The following CNTN5 variants were observed in gnomAD, a reference collection of about 807,000 sequenced individuals.
CNTN5 encodes contactin-5.
In CNTN5, 77 loss-of-function variants were observed where a neutral mutation model predicts 129.1. The observed-to-expected ratio is 0.60, with a 90% CI of 0.50 to 0.72. CNTN5 has a LOEUF of 0.72. Among genes scored for constraint, CNTN5 ranks in the 30% least tolerant of loss-of-function variants. CNTN5 has a pLI of 0.00. For synonymous variants in CNTN5, 509 were observed against 465.6 expected, an observed-to-expected ratio of 1.09 and a Z score of -1.20; for missense variants, 1,478 against 1,328.8, an observed-to-expected ratio of 1.11 and a Z score of -1.75.
chr11:99,382,591 T>C (rs77892826), intron 2 of CNTN5, among the ~76,000 whole-genome samples: 21,708 of 152,148 alleles, frequency 0.14, 1,592 homozygotes, highest in Non-Finnish European at 0.16. Context: ...TTGTTCTTTT[T>C]CTCCACATCC....
chr11:99,431,609 T>A (rs922276095), intron 2 of CNTN5, among the ~76,000 whole-genome samples: 4 of 152,128 alleles, frequency 2.6e-5, no homozygotes, highest in Non-Finnish European at 5.9e-5. Context: ...TAAGAACCAA[T>A]AGGAGTTTTG....
chr11:99,592,259 C>T (rs1039084019), intron 3 of CNTN5, among the ~76,000 whole-genome samples: 5 of 152,020 alleles, frequency 3.3e-5, no homozygotes, highest in African/African-American at 1.2e-4. Context: ...ATGAGATTTC[C>T]TAGAGAGGGG....
intron 6 of CNTN5, among the ~76,000 whole-genome samples, chr11:99,903,884 A>G (rs1023311835): frequency 1.6e-4 from 25 of 152,292 alleles, no homozygotes; most frequent in Non-Finnish European, 3.7e-4. Context: ...CTATCAAAAC[A>G]AGACATGCAA....
At chr11:99,840,963 A>C (rs983928576) in intron 4 of CNTN5, among the ~76,000 whole-genome samples, 1 of 152,160 alleles carries the variant, frequency 6.6e-6, no homozygotes. Flanking sequence ...CAGTAGAAAC[A>C]TCACTGATTA....
intron 9 of CNTN5, among the ~76,000 whole-genome samples, chr11:100,054,160 A>G (rs923582996): frequency 6.6e-6 from 1 of 151,682 alleles, no homozygotes; most frequent in Non-Finnish European, 1.5e-5. Flanking sequence ...CAAGGGTCCA[A>G]GAGTGAGAGC....
chr11:99,992,873 C>T (rs577104654), intron 8 of CNTN5, among the ~76,000 whole-genome samples: 41 of 152,094 alleles, frequency 2.7e-4, no homozygotes, highest in Non-Finnish European at 5.4e-4. Flanking sequence ...TCTAATGGCA[C>T]GTAATTCTAA....
At chr11:100,039,000 A>G (rs560665775) in intron 9 of CNTN5, among the ~76,000 whole-genome samples, 1 of 152,034 alleles carries the variant, frequency 6.6e-6, no homozygotes, top group Non-Finnish European at 1.5e-5. Flanking sequence ...TGTGAATTTG[A>G]TCCTGTCATT....
chr11:99,905,320 G>A (rs1198172833), intron 6 of CNTN5, among the ~76,000 whole-genome samples: 2 of 152,138 alleles, frequency 1.3e-5, no homozygotes, highest in African/African-American at 4.8e-5. Context: ...TTTTGTATAA[G>A]GTGTAAGGAA....
chr11:99,959,249 C>G (rs1377094434), intron 8 of CNTN5, among the ~76,000 whole-genome samples: 1 of 152,106 alleles, frequency 6.6e-6, no homozygotes, highest in East Asian at 1.9e-4. Context: ...TCAACATTGC[C>G]ATTCAATCCC....
intron 2 of CNTN5, among the ~76,000 whole-genome samples, chr11:99,516,990 A>G (rs982231702): frequency 6.6e-6 from 1 of 152,114 alleles, no homozygotes; most frequent in Non-Finnish European, 1.5e-5. Flanking sequence ...GATTATTTTA[A>G]GTTATTTGGT....
At chr11:99,252,498 A>G (rs538448181) in intron 1 of CNTN5, among the ~76,000 whole-genome samples, 18 of 152,014 alleles carry the variant, frequency 1.2e-4, no homozygotes, top group Non-Finnish European at 2.2e-4. Flanking sequence ...TAGGAAAAAA[A>G]AAAAAGAAAA....
Position 99,236,819 on chromosome 11 carries a change from T to G in CNTN5, c.-209-88527T>G, listed in dbSNP as rs188457142. Among the ~76,000 whole-genome samples the G allele has an allele frequency of 5.3e-4, 81 of 152,218 alleles. 1 individual carries two copies. In the East Asian group the frequency reaches 8.5e-3, roughly 16 times the overall value. On this transcript the variant is annotated intron_variant, in intron 1 of 24. Coordinates refer to ENST00000524871, the MANE Select transcript of CNTN5 (RefSeq NM_014361.4). ...ATTTGCATATTTCATCAGATGAAAT[T>G]TAGAGTCATTGTCAAGTTTTCCTTG...
intron 2 of CNTN5, among the ~76,000 whole-genome samples, chr11:99,553,522 C>A (rs936396780): frequency 2.6e-5 from 4 of 151,838 alleles, no homozygotes; most frequent in African/African-American, 9.7e-5. Context: ...AATATTATTT[C>A]ATTTACTTTT....
At chr11:99,689,600 T>G (rs528464063) in intron 3 of CNTN5, among the ~76,000 whole-genome samples, 1 of 151,990 alleles carries the variant, frequency 6.6e-6, no homozygotes, top group African/African-American at 2.4e-5. Context: ...TACTTTTTTT[T>G]GACATTTTAA....
intron 3 of CNTN5, among the ~76,000 whole-genome samples, chr11:99,703,405 A>T (rs1483895174): frequency 1.3e-5 from 2 of 150,646 alleles, no homozygotes; most frequent in South Asian, 4.1e-4. Context: ...TTATATCTTG[A>T]TAATGTTTTC....
At chr11:99,636,580 A>G (rs1389217199) in intron 3 of CNTN5, among the ~76,000 whole-genome samples, 1 of 152,022 alleles carries the variant, frequency 6.6e-6, no homozygotes, top group African/African-American at 2.4e-5. Flanking sequence ...AAAGAAATGT[A>G]GGATTAGAAT....
chr11:99,144,643 G>T (rs56101043), intron 1 of CNTN5, among the ~76,000 whole-genome samples: 1 of 151,824 alleles, frequency 6.6e-6, no homozygotes, highest in African/African-American at 2.4e-5. Flanking sequence ...ATCTGACTAC[G>T]TTATTTCAAA....
Position 99,598,285 on chromosome 11 carries a change from T to TGTCTCTC in CNTN5, c.55+42016_55+42017insGTCTCTC, listed in dbSNP as rs1565335398. Among the ~76,000 whole-genome samples the TGTCTCTC allele has an allele frequency of 5.8e-3, 38 of 6,542 alleles. 3 individuals are homozygous for TGTCTCTC. Among genetic ancestry groups the TGTCTCTC allele is most frequent in the South Asian group, 0.024 (2 of 84 alleles). The allele number at this position is 6,542 out of a possible 152,430, so 4.3% of individuals were successfully genotyped here. A position where few individuals can be genotyped will look rare whatever the true frequency, so the allele number is the denominator to read the frequency against. On this transcript the variant is annotated intron_variant, in intron 3 of 24. Coordinates refer to ENST00000524871, the MANE Select transcript of CNTN5 (RefSeq NM_014361.4). ...TTTTCTTTTCTTTTCTTTTCTTTTC[T>TGTCTCTC]TTTCTTTTCTTTTCTTTTCTTTTCT...
chr11:99,569,945 A>G (rs890546887), intron 3 of CNTN5, among the ~76,000 whole-genome samples: 1 of 152,140 alleles, frequency 6.6e-6, no homozygotes, highest in Non-Finnish European at 1.5e-5. Flanking sequence ...AGCTTAGTTC[A>G]GGGGATTGTA....
Sources: gnomAD v4.1 joint callset for allele counts (sites outside exome capture counted in the v4.1 genomes callset) on GRCh38, gnomAD v4.1.1 for gene constraint, MANE v1.5 for transcripts, NCBI Gene and HGNC (gene_info 2026-07-23, HGNC 2026-07-21) for gene names.